Variants in SGIP1 observed in about 807,000 individuals in gnomAD.
SGIP1 encodes SH3-containing GRB2-like protein 3-interacting protein 1.
SGIP1 carries 38 observed loss-of-function variants against 107.5 expected under a neutral mutation model. The ratio of observed to expected loss-of-function variants is 0.35; its 90% CI spans 0.27 to 0.46. The LOEUF is 0.46. SGIP1 is among the 20% of genes least tolerant of loss of function. The pLI is 1.00. For missense variants in SGIP1, 929 were observed against 1,019.5 expected, an observed-to-expected ratio of 0.91 and a Z score of 1.21; for synonymous variants, 365 against 366.1, an observed-to-expected ratio of 1.00 and a Z score of 0.03.
intron 1 of SGIP1, among the ~76,000 whole-genome samples, chr1:66,557,452 C>T (rs2058347830): frequency 6.6e-6 from 1 of 152,026 alleles, no homozygotes; most frequent in South Asian, 2.1e-4. Context: ...AGTAAACTGC[C>T]TATTTTTTTT....
intron 1 of SGIP1, among the ~76,000 whole-genome samples, chr1:66,547,840 T>G (rs916660657): frequency 6.6e-6 from 1 of 152,086 alleles, no homozygotes; most frequent in Non-Finnish European, 1.5e-5. Context: ...AAGGCTACTT[T>G]AAGTGGTAAT....
intron 1 of SGIP1, among the ~76,000 whole-genome samples, chr1:66,585,686 C>T (rs756790938): frequency 2.0e-5 from 3 of 151,648 alleles, no homozygotes; most frequent in South Asian, 2.1e-4. Context: ...AACAGGGTTT[C>T]GTCGTGTTGG....
intron 1 of SGIP1, among the ~76,000 whole-genome samples, chr1:66,589,159 T>G (rs1411410160): frequency 8.0e-5 from 8 of 100,242 alleles, no homozygotes; most frequent in Middle Eastern, 5.6e-3. Context: ...CTGATAAAAG[T>G]TTACATATAT....
intron 11 of SGIP1, 127 bp downstream of exon 11, chr1:66,672,122 A>G (rs1557560366): frequency 2.5e-6 from 2 of 796,562 alleles, no homozygotes; most frequent in Non-Finnish European, 4.3e-6. Flanking sequence ...ATGTCAGTCC[A>G]TATGTCCACA....
intron 19 of SGIP1, 112 bp downstream of exon 19, chr1:66,719,517 T>G (rs2093417675): frequency 1.6e-6 from 1 of 626,612 alleles, no homozygotes; most frequent in Admixed American, 3.1e-5. Context: ...AATAATTCAG[T>G]TAGCAATAGT....
intron 19 of SGIP1, among the ~76,000 whole-genome samples, chr1:66,725,599 A>G (rs2093718359): frequency 6.6e-6 from 1 of 152,238 alleles, no homozygotes; most frequent in South Asian, 2.1e-4. Flanking sequence ...GCTTTAGCCA[A>G]GGTAGAGTAA....
At chr1:66,618,130 A>G (rs140462939) in intron 1 of SGIP1, among the ~76,000 whole-genome samples, 73 of 152,318 alleles carry the variant, frequency 4.8e-4, no homozygotes, top group African/African-American at 1.7e-3. Context: ...CATTATGTCT[A>G]TTAATTTTTT....
chr1:66,574,395 C>T (rs996187063), intron 1 of SGIP1, among the ~76,000 whole-genome samples: 5 of 152,118 alleles, frequency 3.3e-5, no homozygotes, highest in Admixed American at 6.6e-5. Flanking sequence ...GGTGTCCCCA[C>T]CCTCTTGATC....
chr1:66,696,482 G>A (rs995202524), intron 18 of SGIP1, among the ~76,000 whole-genome samples: 1 of 152,158 alleles, frequency 6.6e-6, no homozygotes. Flanking sequence ...CATAACTTGA[G>A]TGTGTGTTTT....
rs763076657 is a variant in SGIP1, at chr1:66,745,539, C to T, written c.*2444C>T. On this transcript the variant is annotated 3_prime_UTR_variant, in exon 25 of 25. Coordinates refer to ENST00000371037, the MANE Select transcript of SGIP1 (RefSeq NM_032291.4). The stretch of plus-strand genomic sequence containing the variant: ...GTACTGTAGAATAAGAATTCATGTC[C>T]TGAAAATGGTCCCAGGCAATGAAAG... 1.3e-5 allele frequency: 2 copies of T among 151,972 alleles called. No individual in the cohort carries two copies. The highest frequency in any genetic ancestry group is 2.9e-5 in the Non-Finnish European group (2 of 67,900). The allele number at this position is 151,972 out of a possible 1,614,324, so 9.4% of individuals were successfully genotyped here.
chr1:66,694,227 T>G (rs1018675816), intron 17 of SGIP1, among the ~76,000 whole-genome samples: 2 of 152,170 alleles, frequency 1.3e-5, no homozygotes, highest in African/African-American at 2.4e-5. Flanking sequence ...TTTTTTTTTT[T>G]TTTAACATTT....
intron 21 of SGIP1, among the ~76,000 whole-genome samples, chr1:66,734,697 G>A (rs2094158026): frequency 1.3e-5 from 2 of 151,866 alleles, no homozygotes; most frequent in South Asian, 4.2e-4. Flanking sequence ...ATAGAGACGG[G>A]ATTTCACCCT....
At chr1:66,536,966 G>C (rs1036291250) in intron 1 of SGIP1, among the ~76,000 whole-genome samples, 1 of 152,162 alleles carries the variant, frequency 6.6e-6, no homozygotes, top group African/African-American at 2.4e-5. Flanking sequence ...TCAGCAGAAT[G>C]GGTCATAGTA....
chr1:66,608,661 A>G (rs1351505243), intron 1 of SGIP1, among the ~76,000 whole-genome samples: 3 of 152,108 alleles, frequency 2.0e-5, no homozygotes, highest in Non-Finnish European at 4.4e-5. Flanking sequence ...AGCTCCCATT[A>G]ATACTTATGT....
intron 1 of SGIP1, among the ~76,000 whole-genome samples, chr1:66,567,981 A>G (rs904181085): frequency 6.6e-6 from 1 of 152,106 alleles, no homozygotes; most frequent in Non-Finnish European, 1.5e-5. Flanking sequence ...TGTCTTGGCT[A>G]TATGAGCTCT....
chr1:66,722,640 A>G (rs1572256053), intron 19 of SGIP1, among the ~76,000 whole-genome samples: 1 of 152,240 alleles, frequency 6.6e-6, no homozygotes, highest in South Asian at 2.1e-4. Context: ...GTGCATAAAT[A>G]TAATACCAAG....
rs1409145612 is a variant in SGIP1, at chr1:66,729,375, C to A, written c.1854C>A (p.Phe618Leu). Residue 618 changes from phenylalanine (F) to leucine (L), a missense_variant, in exon 20 of 25, where the codon TTC (phenylalanine) becomes TTA (leucine). Coordinates refer to ENST00000371037, the MANE Select transcript of SGIP1 (RefSeq NM_032291.4). ...PAALTFRVIN[F>L]SRLEHVLPNP... is the part of the protein sequence containing the mutation. ...CTCTGACTTTTCGGGTGATAAATTT[C>A]AGCAGGTTAGAACACGTCCTGCCAA... 1 of 1,614,126 alleles carries A rather than the reference C, an allele frequency of 6.2e-7. No homozygotes were observed. The highest frequency in any genetic ancestry group is 1.1e-5 in the South Asian group (1 of 91,074).
chr1:66,565,981 A>G (rs2148518119), intron 1 of SGIP1, among the ~76,000 whole-genome samples: 1 of 151,738 alleles, frequency 6.6e-6, no homozygotes, highest in Non-Finnish European at 1.5e-5. Context: ...CAGCCCATGT[A>G]ATAGTAAATT....
chr1:66,557,265 G>T (rs1324286747), intron 1 of SGIP1, among the ~76,000 whole-genome samples: 1 of 152,142 alleles, frequency 6.6e-6, no homozygotes, highest in Non-Finnish European at 1.5e-5. Context: ...TTGTACAAAT[G>T]ATTGTGACAT....
Sources: allele counts gnomAD v4.1 joint callset (sites outside exome capture counted in the v4.1 genomes callset), GRCh38; gene constraint gnomAD v4.1.1; transcripts MANE v1.5; gene names NCBI Gene and HGNC (gene_info 2026-07-23, HGNC 2026-07-21).